RGS3: variants seen among roughly 807,000 people sequenced by gnomAD.
RGS3 encodes regulator of G protein signaling 3.
Under a neutral mutation model 132.6 loss-of-function variants are expected in RGS3, and 80 were observed. The ratio of observed to expected loss-of-function variants is 0.60; its 90% CI spans 0.50 to 0.73. RGS3 has a LOEUF of 0.73. Ranked by LOEUF, RGS3 falls within the 30% of genes least tolerant of loss-of-function variation. The pLI, the probability that RGS3 is intolerant of heterozygous loss-of-function variation, is 0.00. For missense variants in RGS3, 1,382 were observed against 1,530.8 expected (o/e 0.90, Z 1.62); for synonymous variants, 598 against 620.6 (o/e 0.96, Z 0.54).
At chr9:113,558,929 A>G (rs1374722814) in intron 19 of RGS3, among the ~76,000 whole-genome samples, 2 of 152,212 alleles carry the variant, frequency 1.3e-5, no homozygotes, top group Admixed American at 1.3e-4. Context: ...TTTTGAGTGG[A>G]CTGATCTAGT....
At chr9:113,479,633 G>A (rs1231734206) in intron 4 of RGS3, 92 bp downstream of exon 2, 1 of 1,132,756 alleles carries the variant, frequency 8.8e-7, no homozygotes, top group Non-Finnish European at 1.3e-6. Context: ...GGCACCATGG[G>A]CCAAGGCTTC....
At chr9:113,594,014 G>A (rs1023469113) in intron 21 of RGS3, 18 of 1,612,834 alleles carry the variant, frequency 1.1e-5, no homozygotes, top group Non-Finnish European at 1.7e-6. Context: ...CCCCTTTCAC[G>A]GCTCCCTCTC....
intron 14 of RGS3, among the ~76,000 whole-genome samples, chr9:113,510,621 C>A (rs9299215): frequency 0.12 from 18,008 of 152,152 alleles, 1,270 homozygotes; most frequent in African/African-American, 0.19. Context: ...AGAGGTACTT[C>A]TGTGTCTCCC....
At chr9:113,456,892 C>A (rs112820456), upstream of RGS3, among the ~76,000 whole-genome samples, 2 of 152,220 alleles carry the variant, frequency 1.3e-5, no homozygotes, top group African/African-American at 4.8e-5. Flanking sequence ...CCTCTGCCTC[C>A]GGGTTCAAGC....
chr9:113,595,763 G>C (rs1256293051), exon 24 of RGS3: 6 of 1,613,768 alleles, frequency 3.7e-6, no homozygotes, highest in Non-Finnish European at 5.1e-6. Flanking sequence ...GGCATGCAAG[G>C]AGGTAGGACC....
chr9:113,470,884 G>A (rs988972092), intron 3 of RGS3, among the ~76,000 whole-genome samples: 1 of 152,166 alleles, frequency 6.6e-6, no homozygotes, highest in Non-Finnish European at 1.5e-5. Flanking sequence ...AGGATCACTT[G>A]AGCCTAGGAG....
chr9:113,566,897 T>A (rs1425621165), intron 19 of RGS3, among the ~76,000 whole-genome samples: 2 of 152,358 alleles, frequency 1.3e-5, no homozygotes, highest in Middle Eastern at 3.4e-3. Context: ...CCAAGGCCCC[T>A]TGAGTCCTCT....
At chr9:113,595,489 C>T (rs1564628374) in intron 23 of RGS3, 110 bp from the exon 22 acceptor site, 2 of 1,251,466 alleles carry the variant, frequency 1.6e-6, no homozygotes, top group Non-Finnish European at 2.3e-6. Flanking sequence ...GGGCATTGTA[C>T]TCAGCTCCCA....
chr9:113,558,758 G>A (rs1833670302), intron 19 of RGS3, among the ~76,000 whole-genome samples: 1 of 152,222 alleles, frequency 6.6e-6, no homozygotes, highest in South Asian at 2.1e-4. Flanking sequence ...GAGAACACCT[G>A]AGCTAGCCCA....
At chr9:113,501,626 G>T in intron 10 of RGS3, 1 of 1,562,226 alleles carries the variant, frequency 6.4e-7, no homozygotes, top group Non-Finnish European at 8.6e-7. Context: ...CGCCGCTACC[G>T]CCAGGTGGGT....
intron 19 of RGS3, among the ~76,000 whole-genome samples, chr9:113,544,218 G>A (rs974249144): frequency 6.6e-6 from 1 of 152,088 alleles, no homozygotes; most frequent in Non-Finnish European, 1.5e-5. Context: ...TTTATTGTTG[G>A]AAAGACCATC....
intron 1 of RGS3, among the ~76,000 whole-genome samples, chr9:113,445,308 C>T (rs1246692957): frequency 2.6e-5 from 4 of 151,924 alleles, no homozygotes; most frequent in African/African-American, 9.7e-5. Flanking sequence ...AGCGATTCTC[C>T]TGCCTCAGCC....
At chr9:113,586,173 G>A (rs1389833855) in intron 20 of RGS3, among the ~76,000 whole-genome samples, 1 of 152,154 alleles carries the variant, frequency 6.6e-6, no homozygotes. Flanking sequence ...AGAGAGTCCG[G>A]AACGCTGTCC....
At chr9:113,588,528 A>T (rs2119013064) in intron 20 of RGS3, among the ~76,000 whole-genome samples, 1 of 152,316 alleles carries the variant, frequency 6.6e-6, no homozygotes, top group East Asian at 1.9e-4. Context: ...TTGTTAGTTC[A>T]GAGAGCCCAG....
chr9:113,514,727 C>T, intron 15 of RGS3, 73 bp downstream of exon 13: 1 of 1,469,072 alleles, frequency 6.8e-7, no homozygotes, highest in Non-Finnish European at 9.3e-7. Context: ...CCCCAGGACT[C>T]AGGGATGATG....
chr9:113,576,262 C>T (rs999784354), intron 19 of RGS3, among the ~76,000 whole-genome samples: 2 of 151,680 alleles, frequency 1.3e-5, no homozygotes, highest in African/African-American at 4.8e-5. Context: ...CTGGGTGATG[C>T]TGCTGCTGGC....
At chr9:113,569,683 T>C (rs537352947) in intron 19 of RGS3, among the ~76,000 whole-genome samples, 1 of 150,828 alleles carries the variant, frequency 6.6e-6, no homozygotes, top group East Asian at 2.0e-4. Flanking sequence ...CTGTGTGCCA[T>C]GTACTTACAA....
intron 18 of RGS3, among the ~76,000 whole-genome samples, chr9:113,535,327 C>A (rs1832635147): frequency 6.6e-6 from 1 of 152,140 alleles, no homozygotes; most frequent in Non-Finnish European, 1.5e-5. Context: ...GCACATGCCA[C>A]CACGCTGGCT....
At chr9:113,517,718 T>C in intron 16 of RGS3, 94 bp downstream of exon 14, 1 of 933,608 alleles carries the variant, frequency 1.1e-6, no homozygotes, top group East Asian at 2.4e-5. Context: ...CTGAGTATCT[T>C]AGAATTGTAC....
Sources: gnomAD v4.1 joint callset for allele counts (sites outside exome capture counted in the v4.1 genomes callset) on GRCh38, gnomAD v4.1.1 for gene constraint, MANE v1.5 for transcripts, NCBI Gene and HGNC (gene_info 2026-07-23, HGNC 2026-07-21) for gene names.